The following ALPL variants were observed in gnomAD, a reference collection of about 807,000 sequenced individuals.
The protein encoded by ALPL is alkaline phosphatase, biomineralization associated, also known as alkaline phosphatase, tissue-nonspecific isozyme.
In ALPL, 42 loss-of-function variants were observed where a neutral mutation model predicts 51.3. The observed-to-expected ratio is 0.82, with a 90% confidence interval of 0.64 to 1.06. The LOEUF (loss-of-function observed/expected upper bound fraction) is 1.06, where lower values mean the gene tolerates loss of function less well. Among genes scored for constraint, ALPL ranks in the 50% least tolerant of loss-of-function variants. ALPL has a pLI of 0.00. For synonymous variants in ALPL, 279 were observed against 296.4 expected (o/e 0.94, Z 0.60); for missense variants, 589 against 709.4 (o/e 0.83, Z 1.93).
At chr1:21,554,871 TTCTC>T (rs141318614) in intron 2 of ALPL, among the ~76,000 whole-genome samples, 28 of 129,078 alleles carry the variant, frequency 2.2e-4, no homozygotes, top group South Asian at 4.8e-4. Flanking sequence ...CTTTCTTTCT[TTCTC>T]TCTTTCTTTC....
chr1:21,546,413 C>G (rs923790190), intron 1 of ALPL, among the ~76,000 whole-genome samples: 3 of 152,148 alleles, frequency 2.0e-5, no homozygotes, highest in African/African-American at 2.4e-5. Context: ...AAGGCCTGGT[C>G]TAATGGTGCA....
chr1:21,524,218 G>A (rs1558528760), intron 1 of ALPL, among the ~76,000 whole-genome samples: 1 of 151,942 alleles, frequency 6.6e-6, no homozygotes, highest in African/African-American at 2.4e-5. Context: ...TGCTCAGGCT[G>A]GTCTCAAACT....
intron 1 of ALPL, among the ~76,000 whole-genome samples, chr1:21,531,695 C>G (rs1160688357): frequency 6.6e-6 from 1 of 152,100 alleles, no homozygotes; most frequent in Non-Finnish European, 1.5e-5. Context: ...GGAGGCAGGT[C>G]CAGAGGGTGG....
chr1:21,577,282 A>C, intron 11 of ALPL, 101 bp from the exon 12 acceptor site: 1 of 1,576,352 alleles, frequency 6.3e-7, no homozygotes, highest in Non-Finnish European at 8.7e-7. Context: ...TCTTCTGTGA[A>C]ATGGGAGCAT....
At chr1:21,530,140 G>A (rs76420240) in intron 1 of ALPL, among the ~76,000 whole-genome samples, 7,155 of 152,060 alleles carry the variant, frequency 0.047, 274 homozygotes, top group African/African-American at 0.096. Flanking sequence ...TGGGATTCGG[G>A]GAGCCATGCA....
chr1:21,514,523 G>T (rs1643755747), intron 1 of ALPL, among the ~76,000 whole-genome samples: 1 of 152,170 alleles, frequency 6.6e-6, no homozygotes, highest in African/African-American at 2.4e-5. Flanking sequence ...GTACCATGGT[G>T]GCTGCAGCAA....
In ALPL at chr1:21,509,907, C is replaced by CT. The variant is rs1210739653; in HGVS notation, c.-105+392dup. Among the ~76,000 whole-genome samples, 1 of 152,234 alleles carries CT rather than the reference C, an allele frequency of 6.6e-6. No homozygotes were observed. The highest frequency in any genetic ancestry group is 6.5e-5 in the Admixed American group (1 of 15,282). ...GTGACTGAGCCCCTCCTGGTGCCTC[C>CT]TTAGCCGTAGCTCTAGAGACCTGGG... On this transcript the variant is annotated intron_variant, in intron 1 of 11. Transcript: ENST00000374840. The surrounding 1 kb of genome is among the most constrained non-coding windows in gnomAD (Gnocchi z 6.0).
chr1:21,537,475 C>T (rs74823223), intron 1 of ALPL, among the ~76,000 whole-genome samples: 2,281 of 152,304 alleles, frequency 0.015, 52 homozygotes, highest in Admixed American at 0.059. Flanking sequence ...GGAAAGTACA[C>T]AGGGAGCTGA....
intron 1 of ALPL, among the ~76,000 whole-genome samples, chr1:21,530,138 G>A (rs1389227708): frequency 3.9e-5 from 6 of 152,112 alleles, no homozygotes; most frequent in Admixed American, 6.6e-5. Flanking sequence ...GGTGGGATTC[G>A]GGGAGCCATG....
chr1:21,536,788 G>A (rs1644112210), intron 1 of ALPL, among the ~76,000 whole-genome samples: 1 of 151,994 alleles, frequency 6.6e-6, no homozygotes, highest in Non-Finnish European at 1.5e-5. Flanking sequence ...GACTCTGGGT[G>A]GCCAAAAATG....
At position 21,561,227 on chromosome 1, in the gene ALPL, C is replaced by A; in HGVS notation, c.297+15C>A. 1.3e-6 allele frequency: 2 copies of A among 1,588,364 alleles called. No homozygotes were observed. The highest frequency in any genetic ancestry group is 8.6e-7 in the Non-Finnish European group (1 of 1,164,780). ...CCCTCTCCAAGGTGAGCCCCATCCC[C>A]AAGCCCAGTTCAGGTCTGTATATCC... is the stretch of plus-strand genomic sequence containing the variant. On this transcript the variant is annotated intron_variant, in intron 4 of 11. Coordinates refer to ENST00000374840, the MANE Select transcript of ALPL (RefSeq NM_000478.6).
At chr1:21,519,957 G>A (rs547308284) in intron 1 of ALPL, among the ~76,000 whole-genome samples, 37 of 152,250 alleles carry the variant, frequency 2.4e-4, no homozygotes, top group South Asian at 1.5e-3. Context: ...TCAGTGCTGG[G>A]AACGCAGGAG....
chr1:21,572,620 A>G (rs1644665368), intron 8 of ALPL, among the ~76,000 whole-genome samples: 1 of 152,158 alleles, frequency 6.6e-6, no homozygotes, highest in Non-Finnish European at 1.5e-5. Context: ...CGCTAACAGC[A>G]TGTGGCACCA....
chr1:21,572,477 C>T (rs1391454335), intron 8 of ALPL, among the ~76,000 whole-genome samples: 1 of 152,130 alleles, frequency 6.6e-6, no homozygotes, highest in Non-Finnish European at 1.5e-5. Context: ...TTCGAAATCA[C>T]ACACCATCAT....
At chr1:21,555,994 A>G (rs186653871) in intron 2 of ALPL, among the ~76,000 whole-genome samples, 1 of 151,830 alleles carries the variant, frequency 6.6e-6, no homozygotes, top group African/African-American at 2.4e-5. Context: ...GATGGTCTCG[A>G]TCTCCTGACC....
Position 21,561,089 on chromosome 1 carries a change from C to T in ALPL, c.182-8C>T, listed in dbSNP as rs2148152192. On this transcript the variant is annotated splice_polypyrimidine_tract_variant and splice_region_variant and intron_variant, in intron 3 of 11. Coordinates refer to ENST00000374840, the MANE Select transcript of ALPL (RefSeq NM_000478.6). ...ACGAGAGACTGAGGCCCCCACTCCC[C>T]ACTGCAGGGATGGGTGTCTCCACAG... 2 of 1,601,784 alleles carry T rather than the reference C, an allele frequency of 1.2e-6. No homozygotes were observed. Among genetic ancestry groups the T allele is most frequent in the South Asian group, 1.1e-5 (1 of 88,946 alleles).
rs544593863 is a variant in ALPL, at chr1:21,575,582, T to C, written c.998-151T>C. On this transcript the variant is annotated intron_variant, in intron 9 of 11. Transcript: ENST00000374840. ...AGGTTGAATGGCTGCGTAAAATGCC[T>C]AGGCTGTGGTGCTAGCTCAGAGTGG... 4.3e-6 allele frequency: 4 copies of C among 923,028 alleles called. No individual in the cohort carries two copies. In the African/African-American group the frequency reaches 4.9e-5, roughly 11 times the overall value. The allele number at this position is 923,028 out of a possible 1,614,324, so 57.2% of individuals were successfully genotyped here.
intron 1 of ALPL, among the ~76,000 whole-genome samples, chr1:21,524,018 T>A (rs1643910453): frequency 6.7e-6 from 1 of 148,260 alleles, no homozygotes; most frequent in Admixed American, 6.8e-5. Context: ...TTTTTTTTTT[T>A]TTTGACATGG....
chr1:21,574,308 G>A, intron 9 of ALPL: 8 of 643,432 alleles, frequency 1.2e-5, no homozygotes, highest in Non-Finnish European at 1.4e-5. Context: ...CTGTCTCCTG[G>A]AGAGTGATTC....
Sources: allele counts gnomAD v4.1 joint callset (sites outside exome capture counted in the v4.1 genomes callset), GRCh38; gene constraint gnomAD v4.1.1; non-coding constraint Gnocchi (gnomAD v3.1); transcripts MANE v1.5; gene names NCBI Gene and HGNC (gene_info 2026-07-23, HGNC 2026-07-21).